Variants in EPS8 observed in about 807,000 individuals in gnomAD.
The protein encoded by EPS8 is EGFR pathway substrate 8, signaling adaptor, also known as epidermal growth factor receptor kinase substrate 8.
EPS8 carries 42 observed loss-of-function variants against 103.8 expected under a neutral mutation model. That is an observed-to-expected ratio of 0.40 (90% confidence interval 0.32 to 0.52). The LOEUF is 0.52. EPS8 is among the 20% of genes least tolerant of loss of function. The pLI is 0.40. For missense variants in EPS8, 969 were observed against 1,005.1 expected, an observed-to-expected ratio of 0.96 and a Z score of 0.49; for synonymous variants, 344 against 344.6, an observed-to-expected ratio of 1.00 and a Z score of 0.02.
chr12:15,669,019 T>A (rs1211283652), intron 6 of EPS8, among the ~76,000 whole-genome samples: 1 of 152,142 alleles, frequency 6.6e-6, no homozygotes, highest in Non-Finnish European at 1.5e-5. Flanking sequence ...GCCAACTGAG[T>A]AGCTGAGACT....
rs1947299672 is a variant in EPS8, at chr12:15,785,196, G to C, written c.-22+3965C>G. 6.6e-6 allele frequency among the ~76,000 whole-genome samples: 1 copy of C among 152,126 alleles called. No homozygotes were observed. Reference sequence around the variant, plus strand: ...AGAAATCTAACTGTATTATAAATGTGTGCTACAATCTCACTGAAAAGGATA... The same window carrying C: ...AGAAATCTAACTGTATTATAAATGTCTGCTACAATCTCACTGAAAAGGATA... On this transcript the variant is annotated intron_variant, in intron 1 of 20. Coordinates refer to ENST00000281172, the MANE Select transcript of EPS8 (RefSeq NM_004447.6). This position sits in a 1 kb window ranked among gnomAD's most constrained non-coding sequence, Gnocchi z 4.9.
At chr12:15,672,412 C>T in intron 3 of EPS8, 1 of 398,074 alleles carries the variant, frequency 2.5e-6, no homozygotes, top group Non-Finnish European at 4.4e-6. Context: ...ATTAAAATTA[C>T]TTAATAAAAA....
At chr12:15,743,819 C>T (rs1026499855) in intron 1 of EPS8, among the ~76,000 whole-genome samples, 8 of 152,128 alleles carry the variant, frequency 5.3e-5, no homozygotes, top group African/African-American at 1.9e-4. Context: ...TAGAAGAAAC[C>T]CTAGGCAATA....
Position 15,769,397 on chromosome 12 carries a change from T to C in EPS8, c.-22+19764A>G, listed in dbSNP as rs1947130092. Among the ~76,000 whole-genome samples the C allele has an allele frequency of 1.3e-5, 2 of 152,010 alleles. No individual in the cohort carries two copies. Among genetic ancestry groups the C allele is most frequent in the South Asian group, 2.1e-4 (1 of 4,834 alleles). ...TACAACAAGAATAAGAAAAAATAAA[T>C]GAAAAATGCATTTTCAAGGATATAT... On this transcript the variant is annotated intron_variant, in intron 1 of 20. Transcript: ENST00000281172. This position sits in a 1 kb window ranked among gnomAD's most constrained non-coding sequence, Gnocchi z 4.6.
At chr12:15,750,287 A>C (rs536793987) in intron 1 of EPS8, among the ~76,000 whole-genome samples, 36 of 152,310 alleles carry the variant, frequency 2.4e-4, no homozygotes, top group South Asian at 1.5e-3. Flanking sequence ...CACACACACA[A>C]AAAAATTCTC....
At chr12:15,638,787 T>C (rs1279662925) in intron 17 of EPS8, among the ~76,000 whole-genome samples, 2 of 152,242 alleles carry the variant, frequency 1.3e-5, no homozygotes, top group Non-Finnish European at 2.9e-5. Flanking sequence ...TGACATTCTC[T>C]GAAAATACTT....
At chr12:15,724,973 G>T (rs912868699) in intron 1 of EPS8, among the ~76,000 whole-genome samples, 5 of 151,934 alleles carry the variant, frequency 3.3e-5, no homozygotes, top group South Asian at 2.1e-4. Flanking sequence ...TACAATGCAT[G>T]AAAATAATAA....
chr12:15,782,098 T>C (rs929328199), intron 1 of EPS8: 3 of 152,314 alleles, frequency 2.0e-5, no homozygotes, highest in Non-Finnish European at 4.4e-5. Flanking sequence ...AGAGGTACAT[T>C]TGACTTTTGA....
At chr12:15,667,303 G>A (rs1202148856) in intron 6 of EPS8, among the ~76,000 whole-genome samples, 1 of 152,010 alleles carries the variant, frequency 6.6e-6, no homozygotes, top group African/African-American at 2.4e-5. Flanking sequence ...TAGAAATGAT[G>A]GGATATTTAA....
chr12:15,632,981 AGT>A (rs2135734746), intron 17 of EPS8, among the ~76,000 whole-genome samples: 1 of 152,140 alleles, frequency 6.6e-6, no homozygotes, highest in South Asian at 2.1e-4. Flanking sequence ...ATCTGAAAGG[AGT>A]GTTTATAATG....
At chr12:15,650,557 A>T (rs1945394050) in intron 14 of EPS8, among the ~76,000 whole-genome samples, 1 of 152,058 alleles carries the variant, frequency 6.6e-6, no homozygotes. Flanking sequence ...AGAGCCAGGA[A>T]AACAGTGGCA....
rs1946258936 is a variant in EPS8 at position 15,697,535 on chromosome 12, G to A, written c.-21-14563C>T. Among the ~76,000 whole-genome samples, 1 of 152,142 alleles carries A rather than the reference G, an allele frequency of 6.6e-6. No individual in the cohort carries two copies. The highest frequency in any genetic ancestry group is 2.4e-5 in the African/African-American group (1 of 41,442). On this transcript the variant is annotated intron_variant, in intron 1 of 20. Transcript: ENST00000281172. This position sits in a 1 kb window ranked among gnomAD's most constrained non-coding sequence, Gnocchi z 5.6. ...TCCCACTTTACAGATGAATAAGCTAGGTACAGAGTTTAATAACATGTTCAC... is the reference window on the plus strand; with the variant it reads ...TCCCACTTTACAGATGAATAAGCTAAGTACAGAGTTTAATAACATGTTCAC...
intron 16 of EPS8, 43 bp downstream of exon 16, chr12:15,641,679 A>C (rs774466958): frequency 2.1e-6 from 2 of 948,586 alleles, no homozygotes; most frequent in Non-Finnish European, 3.2e-6. Context: ...TAATACAATA[A>C]AACTACTTTA....
chr12:15,760,978 C>T lies in EPS8; in HGVS notation c.-22+28183G>A, dbSNP rs1006534989. 1.3e-5 allele frequency among the ~76,000 whole-genome samples: 2 copies of T among 151,806 alleles called. No individual in the cohort carries two copies. Among genetic ancestry groups the T allele is most frequent in the African/African-American group, 4.8e-5 (2 of 41,368 alleles). ...GACAAGAGAAAGAAAGAAAGGGCAT[C>T]CAAATTGGAAAAGAAAAACCCAAAT... is the stretch of plus-strand genomic sequence containing the variant. On this transcript the variant is annotated intron_variant, in intron 1 of 20. Coordinates refer to ENST00000281172, the MANE Select transcript of EPS8 (RefSeq NM_004447.6). This position sits in a 1 kb window ranked among gnomAD's most constrained non-coding sequence, Gnocchi z 4.5.
Position 15,635,766 on chromosome 12 carries a change from T to A in EPS8, c.1822-4102A>T, listed in dbSNP as rs1326665800. 2.6e-5 allele frequency among the ~76,000 whole-genome samples: 4 copies of A among 152,064 alleles called. No homozygotes were observed. The East Asian group carries it at 7.7e-4, about 29-fold the overall frequency. The stretch of plus-strand genomic sequence containing the variant: ...ATTGGAACACAGAAAAATAAAATGC[T>A]CTCTTTAAGGACTAGAACCCTCACC... On this transcript the variant is annotated intron_variant, in intron 17 of 20. Transcript: ENST00000281172.
rs182245255 is a variant in EPS8, at chr12:15,733,633, A to T, written c.-21-50661T>A. 6.6e-6 allele frequency among the ~76,000 whole-genome samples: 1 copy of T among 152,308 alleles called. No individual in the cohort carries two copies. The highest frequency in any genetic ancestry group is 2.4e-5 in the African/African-American group (1 of 41,562). On this transcript the variant is annotated intron_variant, in intron 1 of 20. Coordinates refer to ENST00000281172, the MANE Select transcript of EPS8 (RefSeq NM_004447.6). The surrounding 1 kb of genome is among the most constrained non-coding windows in gnomAD (Gnocchi z 4.8). ...ACATGTTCTTGGTGGATGGAAGAAG[A>T]ATAACAACAACAGAAATAAAGGCAG...
In EPS8 at chr12:15,749,973, T is replaced by C. The variant is rs573728608; in HGVS notation, c.-22+39188A>G. Among the ~76,000 whole-genome samples the C allele has an allele frequency of 3.9e-5, 6 of 152,176 alleles. No homozygotes were observed. Among genetic ancestry groups the C allele is most frequent in the Non-Finnish European group, 8.8e-5 (6 of 68,034 alleles). ...AGCCCACTGCCTTTTGTTCCTTTTG[T>C]CTAAGATTTCAGATAACTTTCCTCT... On this transcript the variant is annotated intron_variant, in intron 1 of 20. Transcript: ENST00000281172. The surrounding 1 kb of genome is among the most constrained non-coding windows in gnomAD (Gnocchi z 4.0).
chr12:15,667,712 C>T (rs1439255941), intron 6 of EPS8, among the ~76,000 whole-genome samples: 2 of 151,990 alleles, frequency 1.3e-5, no homozygotes, highest in East Asian at 3.8e-4. Context: ...GCACAATGAG[C>T]CATATAAAAG....
rs771237071 is a variant in EPS8, at chr12:15,769,957, T to C, written c.-22+19204A>G. 1.5e-4 allele frequency among the ~76,000 whole-genome samples: 23 copies of C among 151,948 alleles called. No individual in the cohort carries two copies. Among genetic ancestry groups the C allele is most frequent in the Non-Finnish European group, 2.8e-4 (19 of 67,968 alleles). ...TTTAATTAGGTTTTTTTTTTTCTTTTTTGAGACTAGGGTCTCGCTCTTTCA... is the reference window on the plus strand; with the variant it reads ...TTTAATTAGGTTTTTTTTTTTCTTTCTTGAGACTAGGGTCTCGCTCTTTCA... On this transcript the variant is annotated intron_variant, in intron 1 of 20. Transcript: ENST00000281172. This position sits in a 1 kb window ranked among gnomAD's most constrained non-coding sequence, Gnocchi z 4.6.
Sources: gnomAD v4.1 joint callset for allele counts (sites outside exome capture counted in the v4.1 genomes callset) on GRCh38, gnomAD v4.1.1 for gene constraint, Gnocchi (gnomAD v3.1) non-coding constraint, MANE v1.5 for transcripts, NCBI Gene and HGNC (gene_info 2026-07-23, HGNC 2026-07-21) for gene names.